Variants in CEP112 observed in about 807,000 individuals in gnomAD.
CEP112 encodes the protein centrosomal protein of 112 kDa.
CEP112 carries 127 observed loss-of-function variants against 153.0 expected under a neutral mutation model. The observed-to-expected ratio is 0.83, with a 90% CI of 0.72 to 0.96. The LOEUF is 0.96. CEP112 is among the 40% of genes least tolerant of loss of function. CEP112 has a pLI of 0.00. For missense variants in CEP112, 1,089 were observed against 1,101.2 expected (o/e 0.99, Z 0.16); for synonymous variants, 358 against 374.4 (o/e 0.96, Z 0.51).
intron 17 of CEP112, among the ~76,000 whole-genome samples, chr17:65,972,955 G>A (rs4264426): frequency 0.48 from 72,986 of 151,846 alleles, 18,522 homozygotes; most frequent in East Asian, 0.89. Context: ...TAGTAGAGAC[G>A]GGGTTTCACC....
intron 11 of CEP112, 21 bp from the exon 12 acceptor site, chr17:66,053,900 T>C (rs755532564): frequency 1.0e-5 from 16 of 1,599,792 alleles, no homozygotes; most frequent in Non-Finnish European, 1.3e-5. Context: ...AAATCAAGAG[T>C]TGACTCTTTT....
intron 18 of CEP112, among the ~76,000 whole-genome samples, chr17:65,960,024 C>T (rs1444439148): frequency 6.6e-6 from 1 of 152,166 alleles, no homozygotes; most frequent in Non-Finnish European, 1.5e-5. Flanking sequence ...ACACAGGGCT[C>T]AATCCTCAGT....
At chr17:65,791,425 T>C (rs2054585901) in intron 21 of CEP112, among the ~76,000 whole-genome samples, 1 of 152,194 alleles carries the variant, frequency 6.6e-6, no homozygotes. Flanking sequence ...GATAATCAGC[T>C]TTAGGTGAAG....
chr17:65,941,035 A>T (rs1485292538), intron 18 of CEP112, among the ~76,000 whole-genome samples: 1 of 152,110 alleles, frequency 6.6e-6, no homozygotes, highest in African/African-American at 2.4e-5. Context: ...TGTCAATTAA[A>T]AATATAAAAA....
chr17:65,643,553 G>A (rs773852514), intron 24 of CEP112, among the ~76,000 whole-genome samples: 1 of 151,808 alleles, frequency 6.6e-6, no homozygotes, highest in Non-Finnish European at 1.5e-5. Context: ...TGCCTGCCTC[G>A]GCCTCCCAAA....
At chr17:65,904,830 C>A (rs1267457562) in intron 19 of CEP112, among the ~76,000 whole-genome samples, 1 of 152,082 alleles carries the variant, frequency 6.6e-6, no homozygotes, top group Non-Finnish European at 1.5e-5. Context: ...TTTGACAAAC[C>A]TGACAAAAAC....
intron 20 of CEP112, among the ~76,000 whole-genome samples, chr17:65,885,293 TG>T (rs1388344317): frequency 2.6e-5 from 4 of 152,200 alleles, no homozygotes; most frequent in African/African-American, 7.2e-5. Flanking sequence ...CTTCTAGGTT[TG>T]TAATGTCCCT....
chr17:66,029,822 C>A, intron 13 of CEP112, 47 bp downstream of exon 13: 1 of 1,535,716 alleles, frequency 6.5e-7, no homozygotes, highest in South Asian at 1.2e-5. Context: ...CAGTTAATAT[C>A]AGTACTTTAT....
intron 8 of CEP112, among the ~76,000 whole-genome samples, chr17:66,095,225 T>C (rs570846324): frequency 4.6e-5 from 7 of 152,140 alleles, no homozygotes; most frequent in South Asian, 4.2e-4. Context: ...ATAGCCAAGA[T>C]ATAGAATCAA....
intron 17 of CEP112, among the ~76,000 whole-genome samples, chr17:66,003,748 C>T (rs373336922): frequency 1.3e-5 from 2 of 152,334 alleles, no homozygotes; most frequent in South Asian, 4.1e-4. Flanking sequence ...TGAGCTCCAC[C>T]TTCTGTCAGA....
chr17:65,817,958 A>AT (rs1472600283), intron 21 of CEP112, among the ~76,000 whole-genome samples: 1 of 151,786 alleles, frequency 6.6e-6, no homozygotes, highest in Non-Finnish European at 1.5e-5. Context: ...ACTAATTTGC[A>AT]TTTTTTTAAA....
At chr17:66,148,793 G>A (rs551320009) in intron 4 of CEP112, among the ~76,000 whole-genome samples, 1 of 152,042 alleles carries the variant, frequency 6.6e-6, no homozygotes, top group South Asian at 2.1e-4. Flanking sequence ...TCATGTCTGT[G>A]AACAAAGATA....
At chr17:66,119,513 T>A (rs148277962) in intron 6 of CEP112, among the ~76,000 whole-genome samples, 64 of 152,004 alleles carry the variant, frequency 4.2e-4, no homozygotes, top group African/African-American at 1.5e-3. Context: ...CCATTCAATA[T>A]AATATATTTG....
intron 10 of CEP112, among the ~76,000 whole-genome samples, chr17:66,063,798 C>T (rs948365070): frequency 1.3e-5 from 2 of 152,128 alleles, no homozygotes; most frequent in Admixed American, 6.5e-5. Flanking sequence ...ATGGTTCTGG[C>T]CATATCTCTT....
At chr17:66,102,302 A>G (rs1176902186) in intron 6 of CEP112, among the ~76,000 whole-genome samples, 2 of 152,218 alleles carry the variant, frequency 1.3e-5, no homozygotes, top group Non-Finnish European at 2.9e-5. Flanking sequence ...GAAACTCTAC[A>G]TAAAGTAATA....
At chr17:66,167,290 A>G (rs763076294) in intron 4 of CEP112, among the ~76,000 whole-genome samples, 3 of 152,158 alleles carry the variant, frequency 2.0e-5, no homozygotes, top group Non-Finnish European at 4.4e-5. Context: ...GAACTATTAC[A>G]ATAATGATCA....
At chr17:65,718,719 T>C (rs1384018589) in intron 23 of CEP112, among the ~76,000 whole-genome samples, 3 of 152,198 alleles carry the variant, frequency 2.0e-5, no homozygotes, top group Non-Finnish European at 4.4e-5. Context: ...GGATAAACAT[T>C]ACAAGAAGAA....
intron 21 of CEP112, among the ~76,000 whole-genome samples, chr17:65,831,476 G>A (rs2057076793): frequency 6.6e-6 from 1 of 151,366 alleles, no homozygotes; most frequent in African/African-American, 2.4e-5. Context: ...AGAATGGTCA[G>A]AACCCAGGAG....
chr17:66,095,144 T>A (rs1410587406), intron 8 of CEP112, among the ~76,000 whole-genome samples: 2 of 152,126 alleles, frequency 1.3e-5, no homozygotes, highest in East Asian at 3.9e-4. Context: ...ATCTCACTAT[T>A]AGGTATAAAT....
Sources: gnomAD v4.1 joint callset for allele counts (sites outside exome capture counted in the v4.1 genomes callset) on GRCh38, gnomAD v4.1.1 for gene constraint, MANE v1.5 for transcripts, NCBI Gene and HGNC (gene_info 2026-07-23, HGNC 2026-07-21) for gene names.